MBNL2: variants seen among roughly 807,000 people sequenced by gnomAD.
The protein encoded by MBNL2 is muscleblind-like protein 2.
A neutral mutation model predicts 41.9 loss-of-function variants in MBNL2; 17 were observed. The observed-to-expected ratio is 0.41, with a 90% CI of 0.28 to 0.61. The LOEUF is 0.61. MBNL2 is among the 20% of genes least tolerant of loss of function. The pLI is 0.35. For synonymous variants in MBNL2, 195 were observed against 182.9 expected (o/e 1.07, Z -0.53); for missense variants, 336 against 505.6 (o/e 0.66, Z 3.22).
chr13:97,186,244 C>T, the MBNL2 span, among the ~76,000 whole-genome samples: 1 of 152,176 alleles, frequency 6.6e-6, no homozygotes, highest in Non-Finnish European at 1.5e-5. Flanking sequence ...ACCGTAGATG[C>T]TTAAGTTCAA....
intron 8 of MBNL2, among the ~76,000 whole-genome samples, chr13:97,387,408 C>T (rs1241734052): frequency 6.6e-6 from 1 of 152,162 alleles, no homozygotes; most frequent in Non-Finnish European, 1.5e-5. Flanking sequence ...GCCCAGCAGC[C>T]TCACAGTCCC....
intron 2 of MBNL2, among the ~76,000 whole-genome samples, chr13:97,292,200 CAAAA>C (rs34473435): frequency 0.033 from 2,275 of 69,418 alleles, 76 homozygotes; most frequent in African/African-American, 0.099. Context: ...GACTCCATCT[CAAAA>C]AAAAAAAAAA....
chr13:97,176,360 A>G, the MBNL2 span, among the ~76,000 whole-genome samples: 3 of 152,304 alleles, frequency 2.0e-5, no homozygotes, highest in Non-Finnish European at 2.9e-5. Flanking sequence ...AGAATTAAAT[A>G]CCCTGGCCAA....
chr13:97,280,924 C>T lies in MBNL2; in HGVS notation c.174+4515C>T, dbSNP rs538453710. On this transcript the variant is annotated intron_variant, in intron 2 of 8. Coordinates refer to ENST00000679496, the MANE Select transcript of MBNL2 (RefSeq NM_001382683.1). ...AGTAATGCTGCCATTGCTGGGATCC[C>T]ATTTCCTTCTCACCTGGCTTTACTG... Among the ~76,000 whole-genome samples the T allele has an allele frequency of 2.2e-3, 340 of 152,298 alleles. 1 individual carries two copies. The highest frequency in any genetic ancestry group is 7.4e-3 in the African/African-American group (306 of 41,558).
At chr13:97,320,328 C>T (rs745701734) in intron 2 of MBNL2, among the ~76,000 whole-genome samples, 27 of 150,300 alleles carry the variant, frequency 1.8e-4, no homozygotes, top group African/African-American at 5.4e-4. Context: ...GGTGCGATCT[C>T]GGCTCACTGC....
At chr13:97,343,271 G>T in intron 4 of MBNL2, 55 bp downstream of exon 4, 1 of 1,277,966 alleles carries the variant, frequency 7.8e-7, no homozygotes, top group Non-Finnish European at 1.1e-6. Context: ...ATATACTTCT[G>T]TGTAAGTGAT....
chr13:97,155,461 A>T, the MBNL2 span, among the ~76,000 whole-genome samples: 1 of 149,814 alleles, frequency 6.7e-6, no homozygotes, highest in African/African-American at 2.5e-5. Flanking sequence ...TTAGTTACAT[A>T]CGTATACATG....
At chr13:97,322,348 G>A (rs1363447204) in intron 2 of MBNL2, among the ~76,000 whole-genome samples, 3 of 152,098 alleles carry the variant, frequency 2.0e-5, no homozygotes, top group Non-Finnish European at 4.4e-5. Flanking sequence ...TCTTTCCTGA[G>A]ACATCAAGTA....
At chr13:97,216,247 T>C in the MBNL2 span, among the ~76,000 whole-genome samples, 45 of 152,262 alleles carry the variant, frequency 3.0e-4, no homozygotes, top group African/African-American at 1.1e-3. Context: ...TTCGAAAGTA[T>C]GTAAATTTTC....
the MBNL2 span, among the ~76,000 whole-genome samples, chr13:97,144,510 A>T: frequency 1.4e-5 from 2 of 141,644 alleles, no homozygotes; most frequent in Admixed American, 1.5e-4. Flanking sequence ...GCTTACTGCA[A>T]CCTCTGCCTC....
intron 1 of MBNL2, among the ~76,000 whole-genome samples, chr13:97,242,909 G>C (rs2044603931): frequency 6.6e-6 from 1 of 152,164 alleles, no homozygotes; most frequent in Non-Finnish European, 1.5e-5. Flanking sequence ...ATTGGTGCTG[G>C]TGGAAGGAAA....
intron 2 of MBNL2, among the ~76,000 whole-genome samples, chr13:97,293,550 T>C (rs2056530042): frequency 6.6e-6 from 1 of 152,202 alleles, no homozygotes; most frequent in Non-Finnish European, 1.5e-5. Context: ...AAACATTAAA[T>C]AATTCAAGTG....
the MBNL2 span, among the ~76,000 whole-genome samples, chr13:97,166,821 TAGATAGATAGATAGATAGAA>T: frequency 1.3e-4 from 20 of 150,298 alleles, no homozygotes; most frequent in South Asian, 8.4e-4. Flanking sequence ...GATAGATAGA[TAGATAGATAGATAGATAGAA>T]AGATAGATAG....
chr13:97,163,670 C>T, the MBNL2 span, among the ~76,000 whole-genome samples: 1 of 152,190 alleles, frequency 6.6e-6, no homozygotes, highest in Non-Finnish European at 1.5e-5. Flanking sequence ...AAAGCACCTG[C>T]TCTTCCTCTC....
chr13:97,219,935 A>C (rs911487657), upstream of MBNL2, among the ~76,000 whole-genome samples: 6 of 152,256 alleles, frequency 3.9e-5, no homozygotes, highest in African/African-American at 1.4e-4. Flanking sequence ...CCACTGGTAG[A>C]GATGAAGCAA....
At chr13:97,287,934 G>GTTTTTT (rs1397865029) in intron 2 of MBNL2, among the ~76,000 whole-genome samples, 3 of 73,636 alleles carry the variant, frequency 4.1e-5, no homozygotes, top group Non-Finnish European at 5.8e-5. Context: ...TTTTTGTTTT[G>GTTTTTT]TTTTGTTTTT....
chr13:97,257,751 C>T (rs2047833448), intron 1 of MBNL2, among the ~76,000 whole-genome samples: 1 of 152,206 alleles, frequency 6.6e-6, no homozygotes, highest in Non-Finnish European at 1.5e-5. Flanking sequence ...AGGGTGTGCT[C>T]CTCAGATTTT....
chr13:97,213,874 C>T, the MBNL2 span, among the ~76,000 whole-genome samples: 3 of 151,342 alleles, frequency 2.0e-5, no homozygotes, highest in Non-Finnish European at 4.4e-5. Flanking sequence ...TTTTTAAAGT[C>T]AAGATTGTCA....
chr13:97,379,917 C>G (rs2065283409), intron 8 of MBNL2, among the ~76,000 whole-genome samples: 1 of 152,054 alleles, frequency 6.6e-6, no homozygotes, highest in East Asian at 1.9e-4. Flanking sequence ...TATTTTGCCA[C>G]AATTTTAAAA....
Sources: gnomAD v4.1 joint callset for allele counts (sites outside exome capture counted in the v4.1 genomes callset) on GRCh38, gnomAD v4.1.1 for gene constraint, MANE v1.5 for transcripts, NCBI Gene and HGNC (gene_info 2026-07-23, HGNC 2026-07-21) for gene names.